Variants in B3GALT5 observed in about 807,000 individuals in gnomAD.
B3GALT5 encodes UDP-Gal:betaGlcNAc beta 1,3-galactosyltransferase, polypeptide 5.
For synonymous variants in B3GALT5, 156 were observed against 158.6 expected (o/e 0.98, Z 0.12); for missense variants, 328 against 396.6 (o/e 0.83, Z 1.47).
At chr21:39,615,673 A>G (rs1348474647) in intron 1 of B3GALT5, among the ~76,000 whole-genome samples, 3 of 152,206 alleles carry the variant, frequency 2.0e-5, no homozygotes, top group East Asian at 3.8e-4. Flanking sequence ...TCGGCAAGTT[A>G]CTTAATTTCC....
At chr21:39,623,150 CCTTTCT>C (rs1569206525) in intron 1 of B3GALT5, among the ~76,000 whole-genome samples, 1 of 136,404 alleles carries the variant, frequency 7.3e-6, no homozygotes, top group Non-Finnish European at 1.6e-5. Context: ...TCCCTTCCTC[CCTTTCT>C]CTTTCTTTCT....
chr21:39,653,452 G>A (rs2079413907), intron 2 of B3GALT5, among the ~76,000 whole-genome samples: 1 of 152,206 alleles, frequency 6.6e-6, no homozygotes, highest in Non-Finnish European at 1.5e-5. Flanking sequence ...AAGCTTATCA[G>A]TGGAGGGTCC....
rs2079341896 is a variant in B3GALT5, at chr21:39,646,577, A to C, written c.-206A>C. The stretch of plus-strand genomic sequence containing the variant: ...CTGTCCAGAATGATGAAAGATACAG[A>C]AAATGGTGCCTGCTGACCTTCTGGA... On this transcript the variant is annotated 5_prime_UTR_variant, in exon 2 of 4. Transcript: ENST00000684187. 1 of 152,232 alleles carries C rather than the reference A, an allele frequency of 6.6e-6. No homozygotes were observed. Among genetic ancestry groups the C allele is most frequent in the African/African-American group, 2.4e-5 (1 of 41,454 alleles). 9.4% of individuals were successfully genotyped at this position (152,232 alleles called of 1,614,324 possible).
At chr21:39,621,231 T>C (rs1238760836) in intron 1 of B3GALT5, among the ~76,000 whole-genome samples, 4 of 152,238 alleles carry the variant, frequency 2.6e-5, no homozygotes, top group Admixed American at 6.5e-5. Context: ...GAAAGATCTC[T>C]TTTTTATTAT....
intron 1 of B3GALT5, among the ~76,000 whole-genome samples, chr21:39,637,616 C>T (rs943796243): frequency 6.6e-6 from 1 of 152,236 alleles, no homozygotes; most frequent in Non-Finnish European, 1.5e-5. Context: ...CCTGGGAACA[C>T]CTAGCAGGAC....
In B3GALT5 at chr21:39,617,854, C is replaced by T. The variant is rs185026796; in HGVS notation, c.-392+4787C>T. Reference sequence around the variant, plus strand: ...CCAGGGAAGCCAGAAGATCGGATACCTCTGTGGGTGTAGTTCATTCATTTT... The same window carrying T: ...CCAGGGAAGCCAGAAGATCGGATACTTCTGTGGGTGTAGTTCATTCATTTT... On this transcript the variant is annotated intron_variant, in intron 1 of 3. Transcript: ENST00000684187. Among the ~76,000 whole-genome samples the T allele has an allele frequency of 2.4e-3, 361 of 152,150 alleles. 1 individual carries two copies. Among genetic ancestry groups the T allele is most frequent in the Non-Finnish European group, 3.1e-3 (214 of 68,010 alleles).
At position 39,669,040 on chromosome 21, in the gene B3GALT5, T is replaced by G. The variant is rs1396522026; in HGVS notation, c.*7548T>G. On this transcript the variant is annotated 3_prime_UTR_variant, in exon 4 of 4. Transcript: ENST00000684187. ...GTGTACCTGTCAGTGTCTGGTGATC[T>G]CTGTGCAAATCAAAAACTCTTCAGA... 1 of 152,252 alleles carries G rather than the reference T, an allele frequency of 6.6e-6. No homozygotes were observed. The highest frequency in any genetic ancestry group is 1.5e-5 in the Non-Finnish European group (1 of 68,044). 9.4% of individuals were successfully genotyped at this position (152,252 alleles called of 1,614,324 possible).
At position 39,668,114 on chromosome 21, in the gene B3GALT5, T is replaced by G. The variant is rs551831589; in HGVS notation, c.*6622T>G. On this transcript the variant is annotated 3_prime_UTR_variant, in exon 4 of 4. Coordinates refer to ENST00000684187, the MANE Select transcript of B3GALT5 (RefSeq NM_001356336.2). ...CAGTGGTTGCTTAGCAGCAATGGGT[T>G]TGCTTGGTTATTTCCTGATTTGGGG... The G allele has an allele frequency of 1.7e-4, 26 of 152,342 alleles. No individual in the cohort carries two copies. The highest frequency in any genetic ancestry group is 6.3e-4 in the African/African-American group (26 of 41,568). The allele number at this position is 152,342 out of a possible 1,614,324, so 9.4% of individuals were successfully genotyped here. A position where few individuals can be genotyped will look rare whatever the true frequency, so the allele number is the denominator to read the frequency against.
chr21:39,656,093 C>T (rs2146213138), intron 2 of B3GALT5, among the ~76,000 whole-genome samples: 1 of 152,250 alleles, frequency 6.6e-6, no homozygotes, highest in South Asian at 2.1e-4. Flanking sequence ...GATTCCTGGG[C>T]CCCAGACCTG....
rs1262322211 is a variant in B3GALT5 at position 39,672,776 on chromosome 21, G to A, written c.*11284G>A. 1 of 152,190 alleles carries A rather than the reference G, an allele frequency of 6.6e-6. No homozygotes were observed. The highest frequency in any genetic ancestry group is 2.4e-5 in the African/African-American group (1 of 41,436). The allele number at this position is 152,190 out of a possible 1,614,324, so 9.4% of individuals were successfully genotyped here. A position where few individuals can be genotyped will look rare whatever the true frequency, so the allele number is the denominator to read the frequency against. ...TTTGATTTTATATGTGTAGAAAAAT[G>A]TACTGAACAATGTTGACATGCTTAT... On this transcript the variant is annotated 3_prime_UTR_variant, in exon 4 of 4. Transcript: ENST00000684187.
chr21:39,638,610 G>GTT (rs2079246752), intron 1 of B3GALT5, among the ~76,000 whole-genome samples: 4 of 152,150 alleles, frequency 2.6e-5, no homozygotes, highest in African/African-American at 9.7e-5. Flanking sequence ...AAGAACCCCG[G>GTT]GATACAGAAA....
rs1241428763 is a variant in B3GALT5 at position 39,613,049 on chromosome 21, C to T, written c.-410C>T. The stretch of plus-strand genomic sequence containing the variant: ...CGGCTTCCAGCCCGACTGGGCCTGC[C>T]GGGGCTGCCCCGCGCACGGTAAGGC... On this transcript the variant is annotated 5_prime_UTR_variant, in exon 1 of 4. Coordinates refer to ENST00000684187, the MANE Select transcript of B3GALT5 (RefSeq NM_001356336.2). 2 of 150,464 alleles carry T rather than the reference C, an allele frequency of 1.3e-5. No homozygotes were observed. Among genetic ancestry groups the T allele is most frequent in the South Asian group, 2.0e-4 (1 of 4,974 alleles). 9.3% of individuals were successfully genotyped at this position (150,464 alleles called of 1,614,324 possible).
intron 1 of B3GALT5, among the ~76,000 whole-genome samples, chr21:39,626,074 C>T: frequency 6.6e-6 from 1 of 152,138 alleles, no homozygotes. Flanking sequence ...TACCCATTAT[C>T]AGTCATTTCT....
intron 1 of B3GALT5, among the ~76,000 whole-genome samples, chr21:39,624,468 G>C (rs1291824516): frequency 6.6e-6 from 1 of 152,222 alleles, no homozygotes; most frequent in African/African-American, 2.4e-5. Context: ...CAGTTGCTCA[G>C]AGTGGGTGTT....
chr21:39,642,875 A>G (rs375743775), intron 1 of B3GALT5, among the ~76,000 whole-genome samples: 1 of 135,020 alleles, frequency 7.4e-6, no homozygotes, highest in Non-Finnish European at 1.5e-5. Flanking sequence ...CATTGCCACA[A>G]AAAAAAAAAA....
chr21:39,648,306 T>TA (rs138815844), intron 2 of B3GALT5, among the ~76,000 whole-genome samples: 17 of 149,242 alleles, frequency 1.1e-4, no homozygotes, highest in Admixed American at 2.7e-4. Context: ...GTACTTAAGT[T>TA]AAAAAAAAAA....
At chr21:39,636,331 G>A (rs2056682832) in intron 1 of B3GALT5, among the ~76,000 whole-genome samples, 1 of 152,226 alleles carries the variant, frequency 6.6e-6, no homozygotes, top group South Asian at 2.1e-4. Flanking sequence ...GGCCTGGAGA[G>A]AAGGTGTGGA....
At chr21:39,642,887 A>AAAAAG (rs1555926643) in intron 1 of B3GALT5, among the ~76,000 whole-genome samples, 112 of 141,628 alleles carry the variant, frequency 7.9e-4, no homozygotes, top group South Asian at 1.4e-3. Flanking sequence ...AAAAAAAAAA[A>AAAAAG]AAAAGAAAAG....
At position 39,668,065 on chromosome 21, in the gene B3GALT5, C is replaced by G. The variant is rs76665402; in HGVS notation, c.*6573C>G. 6.6e-6 allele frequency: 1 copy of G among 152,242 alleles called. No homozygotes were observed. Among genetic ancestry groups the G allele is most frequent in the African/African-American group, 2.4e-5 (1 of 41,460 alleles). 9.4% of individuals were successfully genotyped at this position (152,242 alleles called of 1,614,324 possible). On this transcript the variant is annotated 3_prime_UTR_variant, in exon 4 of 4. Transcript: ENST00000684187. Reference sequence around the variant, plus strand: ...GCAGGCTGAATGCATGGGCTGCTATCGCGATGTTGTATCTAATGGCCTGCA... The same window carrying G: ...GCAGGCTGAATGCATGGGCTGCTATGGCGATGTTGTATCTAATGGCCTGCA...
Sources: gnomAD v4.1 joint callset for allele counts (sites outside exome capture counted in the v4.1 genomes callset) on GRCh38, gnomAD v4.1.1 for gene constraint, MANE v1.5 for transcripts, NCBI Gene and HGNC (gene_info 2026-07-23, HGNC 2026-07-21) for gene names.